The following HDAC9 variants were observed in gnomAD, a reference collection of about 807,000 sequenced individuals.
HDAC9 encodes the protein MEF-2 interacting transcription repressor (MITR) protein.
A neutral mutation model predicts 139.4 loss-of-function variants in HDAC9; 41 were observed. The ratio of observed to expected loss-of-function variants is 0.29; its 90% confidence interval spans 0.23 to 0.38. HDAC9 has a LOEUF of 0.38. Ranked by LOEUF, HDAC9 falls within the 10% of genes least tolerant of loss-of-function variation. The pLI, the probability that HDAC9 is intolerant of heterozygous loss-of-function variation, is 1.00. For missense variants in HDAC9, 1,147 were observed against 1,297.0 expected, an observed-to-expected ratio of 0.88 and a Z score of 1.78; for synonymous variants, 517 against 476.2, an observed-to-expected ratio of 1.09 and a Z score of -1.12.
chr7:18,713,589 G>T (rs557665994), intron 12 of HDAC9, among the ~76,000 whole-genome samples: 1 of 152,206 alleles, frequency 6.6e-6, no homozygotes, highest in African/African-American at 2.4e-5. Flanking sequence ...AGAAAGATTT[G>T]TCTTGTCATC....
At chr7:18,803,580 C>G (rs1208350275) in intron 17 of HDAC9, among the ~76,000 whole-genome samples, 4 of 152,116 alleles carry the variant, frequency 2.6e-5, no homozygotes, top group Non-Finnish European at 5.9e-5. Flanking sequence ...GATAGTTTCT[C>G]TCAGCACTTT....
rs937479490 is a variant in HDAC9 at position 18,852,845 on chromosome 7, GC to G, written c.2684+16849del. On this transcript the variant is annotated intron_variant, in intron 21 of 25. Coordinates refer to ENST00000686413, the MANE Select transcript of HDAC9 (RefSeq NM_178425.4). ...ATGCTGAGGAGATCAAAGTAAAGGA[GC>G]TTTTTTTTTTTCCCTCTCTTTCTTT... Among the ~76,000 whole-genome samples the G allele has an allele frequency of 2.3e-4, 35 of 151,458 alleles. 1 individual carries two copies. Among genetic ancestry groups the G allele is most frequent in the East Asian group, 5.8e-4 (3 of 5,158 alleles).
intron 2 of HDAC9, among the ~76,000 whole-genome samples, chr7:18,195,576 A>G (rs923693406): frequency 4.6e-5 from 7 of 152,158 alleles, no homozygotes; most frequent in African/African-American, 1.2e-4. Flanking sequence ...GACAAACACA[A>G]TTTCACCTAT....
At chr7:18,775,757 C>A (rs547428728) in intron 16 of HDAC9, among the ~76,000 whole-genome samples, 1 of 150,734 alleles carries the variant, frequency 6.6e-6, no homozygotes, top group African/African-American at 2.4e-5. Context: ...CATTGATTTT[C>A]TTCTATTCAT....
intron 25 of HDAC9, 35 bp downstream of exon 25, chr7:18,975,988 G>T: frequency 6.2e-7 from 1 of 1,600,460 alleles, no homozygotes; most frequent in Non-Finnish European, 8.5e-7. Flanking sequence ...ATCCGGGTCA[G>T]TCATATCCAG....
At chr7:18,550,262 A>G (rs1041177409) in intron 2 of HDAC9, among the ~76,000 whole-genome samples, 5 of 152,134 alleles carry the variant, frequency 3.3e-5, no homozygotes, top group Admixed American at 6.6e-5. Flanking sequence ...GTTCTGCTCT[A>G]TTCTTCTATT....
At chr7:18,669,853 A>G (rs551214839) in intron 12 of HDAC9, among the ~76,000 whole-genome samples, 1 of 151,964 alleles carries the variant, frequency 6.6e-6, no homozygotes, top group Admixed American at 6.6e-5. Context: ...CTGGAAGTAA[A>G]AATTCACCTT....
chr7:18,692,976 A>G (rs529823314), intron 12 of HDAC9, among the ~76,000 whole-genome samples: 8 of 152,106 alleles, frequency 5.3e-5, no homozygotes, highest in Non-Finnish European at 1.2e-4. Flanking sequence ...TACTGTTTTA[A>G]AGACTAAGCT....
Position 18,918,154 on chromosome 7 carries a change from C to T in HDAC9, c.2804-17655C>T, listed in dbSNP as rs764572217. Among the ~76,000 whole-genome samples the T allele has an allele frequency of 2.1e-4, 32 of 151,968 alleles. 1 individual carries two copies. Among genetic ancestry groups the T allele is most frequent in the African/African-American group, 5.8e-4 (24 of 41,474 alleles). ...GATTGGAGATAAGGGCTAGAAAAGGCGAACAGGAAGAAAAGGAGATTTCAG... is the reference window on the plus strand; with the variant it reads ...GATTGGAGATAAGGGCTAGAAAAGGTGAACAGGAAGAAAAGGAGATTTCAG... On this transcript the variant is annotated intron_variant, in intron 22 of 25. Coordinates refer to ENST00000686413, the MANE Select transcript of HDAC9 (RefSeq NM_178425.4).
intron 1 of HDAC9, among the ~76,000 whole-genome samples, chr7:18,400,784 C>G (rs911254345): frequency 1.3e-5 from 2 of 152,154 alleles, no homozygotes; most frequent in Non-Finnish European, 2.9e-5. Context: ...TCCTGAGGCC[C>G]AGAAAAGGAG....
intron 12 of HDAC9, among the ~76,000 whole-genome samples, chr7:18,677,723 T>G (rs1189040082): frequency 6.6e-6 from 1 of 151,974 alleles, no homozygotes; most frequent in Non-Finnish European, 1.5e-5. Flanking sequence ...TTTTTATTGT[T>G]GGTTATCAAA....
At chr7:18,388,121 G>A (rs1441607359) in intron 1 of HDAC9, among the ~76,000 whole-genome samples, 2 of 152,166 alleles carry the variant, frequency 1.3e-5, no homozygotes, top group Admixed American at 6.5e-5. Context: ...ACATATTCAT[G>A]TAGGCTTGTT....
intron 2 of HDAC9, among the ~76,000 whole-genome samples, chr7:18,274,331 A>G (rs956477951): frequency 6.6e-6 from 1 of 152,162 alleles, no homozygotes; most frequent in Non-Finnish European, 1.5e-5. Context: ...CATGGTGGAA[A>G]ATAGAAGGTA....
intron 2 of HDAC9, among the ~76,000 whole-genome samples, chr7:18,189,931 G>T (rs1379092068): frequency 6.6e-6 from 1 of 151,956 alleles, no homozygotes; most frequent in African/African-American, 2.4e-5. Flanking sequence ...GTGTGTGTGT[G>T]TGTGTGTGTG....
At chr7:18,422,742 GCGCACACACA>G (rs1230734320) in intron 1 of HDAC9, among the ~76,000 whole-genome samples, 62 of 136,212 alleles carry the variant, frequency 4.6e-4, no homozygotes, top group African/African-American at 9.2e-4. Context: ...ACACACACAC[GCGCACACACA>G]CACACACACA....
chr7:18,900,872 G>A (rs1015403374), intron 22 of HDAC9, among the ~76,000 whole-genome samples: 3 of 151,980 alleles, frequency 2.0e-5, no homozygotes, highest in Non-Finnish European at 4.4e-5. Flanking sequence ...CTTTTCTCAT[G>A]CTAATAAGAG....
At chr7:18,691,862 T>C (rs1040380391) in intron 12 of HDAC9, among the ~76,000 whole-genome samples, 10 of 152,154 alleles carry the variant, frequency 6.6e-5, no homozygotes, top group Middle Eastern at 6.8e-3. Flanking sequence ...AATCAGGTCA[T>C]ATGACCTTGG....
intron 1 of HDAC9, chr7:18,429,192 G>T (rs1790404862): frequency 6.6e-6 from 1 of 152,160 alleles, no homozygotes; most frequent in African/African-American, 2.4e-5. Flanking sequence ...TTTTGGAACT[G>T]CTGTATTCCT....
intron 1 of HDAC9, among the ~76,000 whole-genome samples, chr7:18,348,634 C>G (rs367886184): frequency 6.6e-6 from 1 of 152,138 alleles, no homozygotes; most frequent in Non-Finnish European, 1.5e-5. Flanking sequence ...TTACTGGCAT[C>G]TTTTGGAGAT....
Sources: gnomAD v4.1 joint callset for allele counts (sites outside exome capture counted in the v4.1 genomes callset) on GRCh38, gnomAD v4.1.1 for gene constraint, MANE v1.5 for transcripts, NCBI Gene and HGNC (gene_info 2026-07-23, HGNC 2026-07-21) for gene names.